ADD1: variants seen among roughly 807,000 people sequenced by gnomAD.
The protein encoded by ADD1 is alpha-adducin.
A neutral mutation model predicts 80.5 loss-of-function variants in ADD1; 24 were observed. That is an observed-to-expected ratio of 0.30 (90% CI 0.22 to 0.42). The LOEUF is 0.42. ADD1 is among the 10% of genes least tolerant of loss of function. ADD1 has a pLI of 1.00. For missense variants in ADD1, 948 were observed against 1,019.0 expected (o/e 0.93, Z 0.95); for synonymous variants, 373 against 393.8 (o/e 0.95, Z 0.63).
chr4:2,852,138 T>TCTTTCTTTCTTTCTTTC (rs1727188834), intron 1 of ADD1, among the ~76,000 whole-genome samples: 1 of 97,580 alleles, frequency 1.0e-5, no homozygotes, highest in African/African-American at 4.2e-5. Flanking sequence ...ACCCGGCCTC[T>TCTTTCTTTCTTTCTTTC]TTTCTTTCTT....
At chr4:2,928,106 A>G in intron 15 of ADD1, 65 bp from the exon 16 acceptor site, 3 of 1,450,344 alleles carry the variant, frequency 2.1e-6, no homozygotes, top group Non-Finnish European at 2.8e-6. Flanking sequence ...GGGCTCCCCC[A>G]TCTCAAGCTG....
At chr4:2,872,731 G>T (rs1451989900) in intron 1 of ADD1, among the ~76,000 whole-genome samples, 3 of 151,814 alleles carry the variant, frequency 2.0e-5, no homozygotes, top group Non-Finnish European at 2.9e-5. Flanking sequence ...TAATTTTTTT[G>T]ATTTTTTTTG....
intron 14 of ADD1, among the ~76,000 whole-genome samples, chr4:2,924,022 GAGGGTT>G (rs1212851936): frequency 1.3e-5 from 2 of 152,230 alleles, no homozygotes; most frequent in Admixed American, 1.3e-4. Flanking sequence ...CATAAACCTT[GAGGGTT>G]TCCTGTGCAG....
At chr4:2,866,872 A>G (rs2108848529) in intron 1 of ADD1, among the ~76,000 whole-genome samples, 1 of 152,278 alleles carries the variant, frequency 6.6e-6, no homozygotes, top group East Asian at 1.9e-4. Flanking sequence ...GGAGTTCAAG[A>G]CCAGCCTGGG....
intron 5 of ADD1, among the ~76,000 whole-genome samples, chr4:2,894,315 G>A (rs1211096266): frequency 1.3e-5 from 2 of 151,708 alleles, no homozygotes; most frequent in Admixed American, 6.6e-5. Context: ...CTTGGGCTGG[G>A]GTGCAGTGGC....
intron 6 of ADD1, among the ~76,000 whole-genome samples, 183 bp downstream of exon 6, chr4:2,894,914 A>G (rs958441697): frequency 1.3e-5 from 2 of 152,202 alleles, no homozygotes; most frequent in South Asian, 2.1e-4. Flanking sequence ...TAAGGGGTCC[A>G]TATATCCCAT....
intron 2 of ADD1, among the ~76,000 whole-genome samples, chr4:2,876,778 G>A (rs1241591240): frequency 6.6e-6 from 1 of 151,722 alleles, no homozygotes; most frequent in African/African-American, 2.4e-5. Context: ...GGCGGAGCTT[G>A]CAGTAAGCCG....
chr4:2,928,866 C>T lies in ADD1; in HGVS notation c.*343C>T. On this transcript the variant is annotated 3_prime_UTR_variant, in exon 16 of 16. Transcript: ENST00000683351. ...TCCTGAGCCTCACCTTTCCTGCCGTCCCTCCTGTTGTGAAATCACCACATT... is the reference window on the plus strand; with the variant it reads ...TCCTGAGCCTCACCTTTCCTGCCGTTCCTCCTGTTGTGAAATCACCACATT... 1 of 270,934 alleles carries T rather than the reference C, an allele frequency of 3.7e-6. No homozygotes were observed. The highest frequency in any genetic ancestry group is 6.9e-6 in the Non-Finnish European group (1 of 145,242). 16.8% of individuals were successfully genotyped at this position (270,934 alleles called of 1,614,324 possible). A position where few individuals can be genotyped will look rare whatever the true frequency, so the allele number is the denominator to read the frequency against.
At position 2,875,650 on chromosome 4, in the gene ADD1, C is replaced by T. The variant is rs184088844; in HGVS notation, c.-20-246C>T. ...CTTAATTGCTTTGTTAGATTGTTGT[C>T]TTGTTCTCCTCTTTGGAACAATGGC... On this transcript the variant is annotated intron_variant, in intron 1 of 15. Coordinates refer to ENST00000683351, the MANE Select transcript of ADD1 (RefSeq NM_001354761.2). Among the ~76,000 whole-genome samples the T allele has an allele frequency of 2.3e-3, 353 of 152,210 alleles. 3 individuals are homozygous for T. The highest frequency in any genetic ancestry group is 8.2e-3 in the African/African-American group (340 of 41,540).
At chr4:2,894,201 A>G (rs1323864377) in intron 5 of ADD1, 108 bp downstream of exon 5, 17 of 891,074 alleles carry the variant, frequency 1.9e-5, no homozygotes, top group East Asian at 4.9e-5. Context: ...GAAAGAGCCT[A>G]TGTTTTATGT....
At chr4:2,920,657 C>CTTTTTTTTTTTTTTTTT (rs55649630) in intron 14 of ADD1, among the ~76,000 whole-genome samples, 1 of 136,532 alleles carries the variant, frequency 7.3e-6, no homozygotes, top group Non-Finnish European at 1.5e-5. Context: ...GCAACTCCTG[C>CTTTTTTTTTTTTTTTTT]TTTTTTTTTT....
At chr4:2,893,988 G>A (rs771336071) in intron 4 of ADD1, 25 bp from the exon 5 acceptor site, 13 of 1,600,494 alleles carry the variant, frequency 8.1e-6, no homozygotes, top group Non-Finnish European at 9.4e-6. Context: ...GGATCTTTGA[G>A]CTAATTCAGT....
At position 2,929,434 on chromosome 4, in the gene ADD1, T is replaced by G. The variant is rs557377435; in HGVS notation, c.*911T>G. 1 of 152,364 alleles carries G rather than the reference T, an allele frequency of 6.6e-6. No homozygotes were observed. Among genetic ancestry groups the G allele is most frequent in the Admixed American group, 6.5e-5 (1 of 15,300 alleles). The allele number at this position is 152,364 out of a possible 1,614,324, so 9.4% of individuals were successfully genotyped here. On this transcript the variant is annotated 3_prime_UTR_variant, in exon 16 of 16. Coordinates refer to ENST00000683351, the MANE Select transcript of ADD1 (RefSeq NM_001354761.2). ...TGCCCTAGTTGTGATCAAAGGTAAC[T>G]CGAGGTGGAGGGTAGCCCTGGGGCC...
At chr4:2,848,631 GC>G (rs1348224017) in intron 1 of ADD1, among the ~76,000 whole-genome samples, 2 of 151,582 alleles carry the variant, frequency 1.3e-5, no homozygotes, top group Admixed American at 1.3e-4. Flanking sequence ...AACAGGCTTG[GC>G]TAATTTTTTT....
chr4:2,916,205 TATTA>T (rs1739027757), intron 14 of ADD1, among the ~76,000 whole-genome samples: 2 of 132,090 alleles, frequency 1.5e-5, no homozygotes, highest in African/African-American at 2.8e-5. Flanking sequence ...TTATTATTAT[TATTA>T]TTTTTGAGAT....
chr4:2,915,187 C>A (rs1269103369), intron 14 of ADD1, 147 bp downstream of exon 14: 2 of 907,338 alleles, frequency 2.2e-6, no homozygotes, highest in Admixed American at 3.2e-5. Context: ...GTACTCATTT[C>A]CAACCTAGTC....
At chr4:2,849,219 T>C (rs117044894) in intron 1 of ADD1, among the ~76,000 whole-genome samples, 1 of 152,364 alleles carries the variant, frequency 6.6e-6, no homozygotes, top group East Asian at 1.9e-4. Context: ...AGGTACCTAC[T>C]AAGCTGTCAG....
intron 1 of ADD1, among the ~76,000 whole-genome samples, chr4:2,855,347 A>G (rs1482179704): frequency 6.6e-6 from 1 of 151,754 alleles, no homozygotes; most frequent in Non-Finnish European, 1.5e-5. Flanking sequence ...TACTTTCTTT[A>G]TCATCTTAGG....
intron 10 of ADD1, chr4:2,905,315 T>C: frequency 1.7e-6 from 1 of 591,720 alleles, no homozygotes; most frequent in Non-Finnish European, 3.0e-6. Context: ...TAAGATGTAA[T>C]GTAACTCCGC....
Sources: allele counts gnomAD v4.1 joint callset (sites outside exome capture counted in the v4.1 genomes callset), GRCh38; gene constraint gnomAD v4.1.1; transcripts MANE v1.5; gene names NCBI Gene and HGNC (gene_info 2026-07-23, HGNC 2026-07-21).